HIVEP3: variants seen among roughly 807,000 people sequenced by gnomAD.
HIVEP3 encodes HIVEP zinc finger 3.
HIVEP3 carries 49 observed loss-of-function variants against 152.8 expected under a neutral mutation model. The ratio of observed to expected loss-of-function variants is 0.32; its 90% CI spans 0.26 to 0.41. The LOEUF is 0.41. HIVEP3 is among the 10% of genes least tolerant of loss of function. HIVEP3 has a pLI of 1.00. For missense variants in HIVEP3, 2,790 were observed against 3,103.3 expected, an observed-to-expected ratio of 0.90 and a Z score of 2.40; for synonymous variants, 1,269 against 1,289.0, an observed-to-expected ratio of 0.98 and a Z score of 0.33.
chr1:41,957,211 A>C lies in HIVEP3; in HGVS notation n.120-38687T>G, dbSNP rs539593583. ...AGTTAAAAGAACTGTCCAGAGTCCCAAAAAAACTAAAAGTTTTGCCAGAAT... is the reference window on the plus strand; with the variant it reads ...AGTTAAAAGAACTGTCCAGAGTCCCCAAAAAACTAAAAGTTTTGCCAGAAT... On this transcript the variant is annotated intron_variant and non_coding_transcript_variant, in intron 1 of 3. Transcript: ENST00000489103. Among the ~76,000 whole-genome samples, 16 of 115,294 alleles carry C rather than the reference A, an allele frequency of 1.4e-4. No homozygotes were observed. In the East Asian group the frequency reaches 5.3e-3, roughly 38 times the overall value. 75.6% of individuals were successfully genotyped at this position (115,294 alleles called of 152,430 possible). A position where few individuals can be genotyped will look rare whatever the true frequency, so the allele number is the denominator to read the frequency against.
chr1:41,578,570 G>T (rs1192179740), intron 4 of HIVEP3, among the ~76,000 whole-genome samples: 3 of 152,196 alleles, frequency 2.0e-5, no homozygotes, highest in Non-Finnish European at 4.4e-5. Flanking sequence ...TATGAATTTG[G>T]TTTAGGGAAT....
In HIVEP3 at chr1:41,801,334, C is replaced by T. The variant is rs549955336; in HGVS notation, c.-800-100339G>A. ...CTCCCTTCTTCCCTTTCCAAGGTTC[C>T]TCAAGGCCATGCCACCTAGGCTGAT... On this transcript the variant is annotated intron_variant, in intron 1 of 8. Coordinates refer to ENST00000372583, the MANE Select transcript of HIVEP3 (RefSeq NM_024503.5). Among the ~76,000 whole-genome samples the T allele has an allele frequency of 2.0e-5, 3 of 152,246 alleles. No homozygotes were observed. In the South Asian group the frequency reaches 6.2e-4, roughly 32 times the overall value.
chr1:41,545,839 T>C (rs1425714537), intron 5 of HIVEP3, among the ~76,000 whole-genome samples: 1 of 151,302 alleles, frequency 6.6e-6, no homozygotes, highest in African/African-American at 2.4e-5. Context: ...ATCCTCAGCA[T>C]TCACTGGACA....
At chr1:41,864,217 G>T (rs1053084696) in intron 1 of HIVEP3, among the ~76,000 whole-genome samples, 2 of 152,118 alleles carry the variant, frequency 1.3e-5, no homozygotes, top group Non-Finnish European at 2.9e-5. Flanking sequence ...ACCCTGGTCG[G>T]GTTCACAGGA....
intron 1 of HIVEP3, among the ~76,000 whole-genome samples, chr1:41,882,908 G>T (rs1222886505): frequency 6.6e-6 from 1 of 152,188 alleles, no homozygotes; most frequent in Non-Finnish European, 1.5e-5. Context: ...TGTAAGCAGG[G>T]TTAAAGGCAA....
At chr1:41,639,422 A>G (rs1335027498) in intron 2 of HIVEP3, among the ~76,000 whole-genome samples, 1 of 152,190 alleles carries the variant, frequency 6.6e-6, no homozygotes, top group Admixed American at 6.5e-5. Context: ...CACTTTCCTC[A>G]TGAGTCAGAA....
chr1:41,532,595 C>T (rs940548945), intron 5 of HIVEP3, among the ~76,000 whole-genome samples: 14 of 152,084 alleles, frequency 9.2e-5, no homozygotes, highest in African/African-American at 3.1e-4. Context: ...TCTAGAACAG[C>T]GATTTGAGAT....
chr1:41,524,250 G>C (rs1172580704), intron 6 of HIVEP3, among the ~76,000 whole-genome samples: 2 of 152,190 alleles, frequency 1.3e-5, no homozygotes, highest in African/African-American at 4.8e-5. Flanking sequence ...GGAGTGGAGA[G>C]GTGGGTGGAG....
Position 41,511,369 on chromosome 1 carries a change from C to T in HIVEP3, c.6406-103G>A, listed in dbSNP as rs895276487. ...GGGGGACTCGCCCAAGATCACAGAGCGAGTCCAGGGTCCCGGCTGAGCTGA... is the reference window on the plus strand; with the variant it reads ...GGGGGACTCGCCCAAGATCACAGAGTGAGTCCAGGGTCCCGGCTGAGCTGA... On this transcript the variant is annotated intron_variant, in intron 8 of 8. Transcript: ENST00000372583. The surrounding 1 kb of genome is among the most constrained non-coding windows in gnomAD (Gnocchi z 4.9). 5.8e-5 allele frequency: 63 copies of T among 1,081,160 alleles called. No individual in the cohort carries two copies. The highest frequency in any genetic ancestry group is 7.7e-5 in the Non-Finnish European group (59 of 769,138). The allele number at this position is 1,081,160 out of a possible 1,614,324, so 67.0% of individuals were successfully genotyped here.
chr1:42,032,352 G>A (rs188271999), intron 1 of HIVEP3, among the ~76,000 whole-genome samples: 173 of 152,238 alleles, frequency 1.1e-3, no homozygotes, highest in African/African-American at 3.7e-3. Flanking sequence ...AAGAATACCC[G>A]ATTCCCAACC....
intron 2 of HIVEP3, among the ~76,000 whole-genome samples, chr1:41,697,047 G>A (rs769485708): frequency 2.6e-5 from 4 of 152,096 alleles, no homozygotes; most frequent in Non-Finnish European, 2.9e-5. Flanking sequence ...CTCCAACCCC[G>A]CGTTGCACAG....
At chr1:41,702,436 AGTTGCGT>A (rs1042450200) in intron 1 of HIVEP3, among the ~76,000 whole-genome samples, 15 of 152,154 alleles carry the variant, frequency 9.9e-5, no homozygotes, top group Admixed American at 9.8e-4. Context: ...GTAATTTCAG[AGTTGCGT>A]GAACTTAGGT....
intron 2 of HIVEP3, among the ~76,000 whole-genome samples, chr1:41,659,368 T>C (rs1645677740): frequency 6.6e-6 from 1 of 152,256 alleles, no homozygotes; most frequent in African/African-American, 2.4e-5. Flanking sequence ...AGAGTGTATA[T>C]GACGACTTAG....
chr1:41,983,779 A>G lies in HIVEP3; in HGVS notation n.119+52028T>C, dbSNP rs183130402. Reference sequence around the variant, plus strand: ...AGTTTTGTTTGGTTTGTTTTTAATTAAAAAGACAGAACAAAAAGAAAAAAA... The same window carrying G: ...AGTTTTGTTTGGTTTGTTTTTAATTGAAAAGACAGAACAAAAAGAAAAAAA... On this transcript the variant is annotated intron_variant and non_coding_transcript_variant, in intron 1 of 3. Coordinates refer to the HIVEP3 transcript ENST00000489103. Among the ~76,000 whole-genome samples, 42 of 152,250 alleles carry G rather than the reference A, an allele frequency of 2.8e-4. 1 individual carries two copies. In the East Asian group the frequency reaches 7.3e-3, roughly 27 times the overall value.
intron 1 of HIVEP3, among the ~76,000 whole-genome samples, chr1:41,940,159 C>T (rs189662303): frequency 8.0e-4 from 122 of 152,294 alleles, no homozygotes; most frequent in African/African-American, 2.8e-3. Flanking sequence ...TCATATTTTT[C>T]TGATACCCTG....
chr1:41,565,239 T>C (rs1569928819), intron 5 of HIVEP3, among the ~76,000 whole-genome samples: 1 of 151,722 alleles, frequency 6.6e-6, no homozygotes, highest in South Asian at 2.1e-4. Context: ...TGGCCGGAGG[T>C]GGAATGCGAA....
At chr1:41,744,070 C>T (rs1647034632) in intron 1 of HIVEP3, among the ~76,000 whole-genome samples, 2 of 151,738 alleles carry the variant, frequency 1.3e-5, no homozygotes, top group Non-Finnish European at 1.5e-5. Flanking sequence ...GACGGAGTCT[C>T]ACTCTGTCGC....
At chr1:41,675,406 G>A (rs1302555432) in intron 2 of HIVEP3, among the ~76,000 whole-genome samples, 3 of 152,054 alleles carry the variant, frequency 2.0e-5, no homozygotes, top group Non-Finnish European at 2.9e-5. Context: ...CCCCTTGCAT[G>A]TCACCTCCTC....
In HIVEP3 at chr1:41,803,910, C is replaced by T. The variant is rs941612547; in HGVS notation, c.-800-102915G>A. 2.0e-5 allele frequency among the ~76,000 whole-genome samples: 3 copies of T among 152,206 alleles called. No homozygotes were observed. In the East Asian group the frequency reaches 5.8e-4, roughly 29 times the overall value. On this transcript the variant is annotated intron_variant, in intron 1 of 8. Transcript: ENST00000372583. ...TCTGGACATGATGACTAAGAACCGC[C>T]TATCGATTATGTTCCCTTTTTGTCT...
Sources: allele counts gnomAD v4.1 joint callset (sites outside exome capture counted in the v4.1 genomes callset), GRCh38; gene constraint gnomAD v4.1.1; non-coding constraint Gnocchi (gnomAD v3.1); transcripts MANE v1.5; gene names NCBI Gene and HGNC (gene_info 2026-07-23, HGNC 2026-07-21).